Variants in COMMD10 observed in about 807,000 individuals in gnomAD.
COMMD10 encodes COMM domain-containing protein 10.
Under a neutral mutation model 28.9 loss-of-function variants are expected in COMMD10, and 33 were observed. The ratio of observed to expected loss-of-function variants is 1.14; its 90% CI spans 0.87 to 1.53. The LOEUF is 1.53. COMMD10 is among the 40% of genes most tolerant of loss of function. COMMD10 has a pLI of 0.00. For missense variants in COMMD10, 310 were observed against 233.4 expected, an observed-to-expected ratio of 1.33 and a Z score of -2.14; for synonymous variants, 110 against 81.7, an observed-to-expected ratio of 1.35 and a Z score of -1.87.
At chr5:116,262,014 A>AT in intron 5 of COMMD10, among the ~76,000 whole-genome samples, 1 of 151,692 alleles carries the variant, frequency 6.6e-6, no homozygotes, top group East Asian at 1.9e-4. Flanking sequence ...AGTTTGTATT[A>AT]TTTTTTCCAC....
intron 5 of COMMD10, among the ~76,000 whole-genome samples, chr5:116,290,327 G>A (rs1041098419): frequency 7.2e-5 from 11 of 151,790 alleles, no homozygotes; most frequent in Non-Finnish European, 1.6e-4. Context: ...ATTCTTAAAG[G>A]AAGAGGCTTT....
intron 5 of COMMD10, among the ~76,000 whole-genome samples, chr5:116,155,458 G>A (rs1429672367): frequency 6.6e-6 from 1 of 152,036 alleles, no homozygotes; most frequent in African/African-American, 2.4e-5. Flanking sequence ...ATCAGAGGCT[G>A]TTAGGGGAGA....
intron 5 of COMMD10, among the ~76,000 whole-genome samples, chr5:116,275,970 A>G (rs926370056): frequency 2.0e-5 from 3 of 151,362 alleles, no homozygotes; most frequent in East Asian, 2.0e-4. Flanking sequence ...ATATATATAT[A>G]TATGGTACTA....
chr5:116,248,258 G>A (rs1022152925), intron 5 of COMMD10, among the ~76,000 whole-genome samples: 1 of 151,922 alleles, frequency 6.6e-6, no homozygotes. Flanking sequence ...ATTTAGGAGT[G>A]CATAAATTGA....
intron 5 of COMMD10, among the ~76,000 whole-genome samples, chr5:116,202,839 C>G (rs1419059736): frequency 6.6e-6 from 1 of 151,902 alleles, no homozygotes; most frequent in Non-Finnish European, 1.5e-5. Context: ...TGTAGGTTTC[C>G]TGTTCACTCC....
intron 5 of COMMD10, among the ~76,000 whole-genome samples, chr5:116,211,731 T>A (rs918989861): frequency 2.0e-5 from 3 of 152,028 alleles, no homozygotes; most frequent in South Asian, 2.1e-4. Flanking sequence ...GCAAAACAAG[T>A]TTAATAAATG....
chr5:116,241,677 A>G (rs940808382), intron 5 of COMMD10, among the ~76,000 whole-genome samples: 1 of 151,720 alleles, frequency 6.6e-6, no homozygotes, highest in East Asian at 1.9e-4. Flanking sequence ...CAGTGGCGCA[A>G]TCTCAGCTCA....
At chr5:116,120,506 T>C (rs1751394295) in intron 4 of COMMD10, among the ~76,000 whole-genome samples, 1 of 152,048 alleles carries the variant, frequency 6.6e-6, no homozygotes, top group Non-Finnish European at 1.5e-5. Flanking sequence ...TGAAATAAAA[T>C]TAAAAAAAAT....
intron 5 of COMMD10, among the ~76,000 whole-genome samples, chr5:116,140,231 A>ATGTGTGTGTGTG (rs3072964): frequency 0.03 from 4,385 of 147,018 alleles, 116 homozygotes; most frequent in East Asian, 0.12. Context: ...TCATACTACT[A>ATGTGTGTGTGTG]TGTGTGTGTG....
At chr5:116,085,514 C>G (rs899412522) in intron 1 of COMMD10, 1 of 191,226 alleles carries the variant, frequency 5.2e-6, no homozygotes, top group African/African-American at 2.3e-5. Flanking sequence ...GCTGGAGGGT[C>G]TTTAATAGCC....
At chr5:116,285,466 G>A (rs1189286874) in intron 5 of COMMD10, among the ~76,000 whole-genome samples, 4 of 151,868 alleles carry the variant, frequency 2.6e-5, no homozygotes, top group African/African-American at 4.9e-5. Flanking sequence ...AGACTATGGA[G>A]TATATGCTGT....
At chr5:116,192,430 G>A (rs1156315619) in intron 5 of COMMD10, among the ~76,000 whole-genome samples, 11 of 151,948 alleles carry the variant, frequency 7.2e-5, no homozygotes, top group African/African-American at 2.7e-4. Flanking sequence ...AATACAAGAA[G>A]TGAAGGGGGA....
At chr5:116,168,003 TG>T (rs1367615435) in intron 5 of COMMD10, among the ~76,000 whole-genome samples, 1 of 151,716 alleles carries the variant, frequency 6.6e-6, no homozygotes, top group East Asian at 1.9e-4. Flanking sequence ...TAAATGTAAA[TG>T]GACTAAATGC....
chr5:116,116,832 C>T (rs1183455897), intron 4 of COMMD10, among the ~76,000 whole-genome samples: 8 of 151,912 alleles, frequency 5.3e-5, no homozygotes, highest in Admixed American at 2.6e-4. Flanking sequence ...CATTCTCCTG[C>T]CTCAGCCTCC....
chr5:116,150,939 G>A (rs1752504028), intron 5 of COMMD10, among the ~76,000 whole-genome samples: 1 of 151,738 alleles, frequency 6.6e-6, no homozygotes, highest in South Asian at 2.1e-4. Flanking sequence ...TTGTGCTAGT[G>A]TTCAAAGTGA....
intron 5 of COMMD10, among the ~76,000 whole-genome samples, chr5:116,138,742 T>C (rs190232637): frequency 2.0e-5 from 3 of 151,906 alleles, no homozygotes; most frequent in African/African-American, 7.2e-5. Context: ...GAAGTAATTA[T>C]GATTTTGAAT....
chr5:116,191,226 A>G (rs929535866), intron 5 of COMMD10, among the ~76,000 whole-genome samples: 2 of 152,078 alleles, frequency 1.3e-5, no homozygotes, highest in Non-Finnish European at 2.9e-5. Context: ...CAGGGGGCAA[A>G]ACTCCACAGA....
chr5:116,281,948 T>A (rs1372788577), intron 5 of COMMD10, among the ~76,000 whole-genome samples: 1 of 151,860 alleles, frequency 6.6e-6, no homozygotes, highest in Non-Finnish European at 1.5e-5. Context: ...TACCTTCTTT[T>A]CCTGGGCAAT....
chr5:116,139,215 T>C (rs1294519570), intron 5 of COMMD10, among the ~76,000 whole-genome samples: 1 of 151,816 alleles, frequency 6.6e-6, no homozygotes, highest in Non-Finnish European at 1.5e-5. Context: ...ATTTAATTTT[T>C]CTTTCCCCTT....
Sources: gnomAD v4.1 joint callset for allele counts (sites outside exome capture counted in the v4.1 genomes callset) on GRCh38, gnomAD v4.1.1 for gene constraint, MANE v1.5 for transcripts, NCBI Gene and HGNC (gene_info 2026-07-23, HGNC 2026-07-21) for gene names.